The following KCND2 variants were observed in gnomAD, a reference collection of about 807,000 sequenced individuals.
The protein encoded by KCND2 is potassium voltage-gated channel subfamily D member 2.
A neutral mutation model predicts 54.4 loss-of-function variants in KCND2; 16 were observed. That is an observed-to-expected ratio of 0.29 (90% CI 0.20 to 0.45). The LOEUF is 0.45. Ranked by LOEUF, KCND2 falls within the 20% of genes least tolerant of loss-of-function variation. KCND2 has a pLI of 1.00. For missense variants in KCND2, 486 were observed against 824.2 expected (o/e 0.59, Z 5.02); for synonymous variants, 317 against 310.7 (o/e 1.02, Z -0.21).
chr7:120,628,728 C>T (rs1008683091), intron 1 of KCND2, among the ~76,000 whole-genome samples: 15 of 152,180 alleles, frequency 9.9e-5, no homozygotes, highest in Non-Finnish European at 2.2e-4. Context: ...GGATCCTATT[C>T]CTTAAGCCCA....
intron 1 of KCND2, among the ~76,000 whole-genome samples, chr7:120,468,406 A>G (rs1041224566): frequency 2.0e-5 from 3 of 152,088 alleles, no homozygotes; most frequent in South Asian, 2.1e-4. Flanking sequence ...TCTTCTGAAC[A>G]TCATCATAAA....
intron 1 of KCND2, among the ~76,000 whole-genome samples, chr7:120,689,925 G>A (rs1792249265): frequency 6.6e-6 from 1 of 152,180 alleles, no homozygotes; most frequent in South Asian, 2.1e-4. Flanking sequence ...AACACTTACA[G>A]AGTATTTGCT....
chr7:120,370,827 G>C (rs889757485), intron 1 of KCND2, among the ~76,000 whole-genome samples: 1 of 151,948 alleles, frequency 6.6e-6, no homozygotes, highest in Non-Finnish European at 1.5e-5. Flanking sequence ...CTCCAAACAG[G>C]GAAAGGTAAC....
At chr7:120,535,675 A>T (rs1461290949) in intron 1 of KCND2, among the ~76,000 whole-genome samples, 4 of 152,180 alleles carry the variant, frequency 2.6e-5, no homozygotes, top group Admixed American at 6.6e-5. Context: ...TAACAAGACT[A>T]TTTGAATTTC....
chr7:120,503,907 C>T (rs183457323), intron 1 of KCND2, among the ~76,000 whole-genome samples: 8 of 151,974 alleles, frequency 5.3e-5, no homozygotes, highest in African/African-American at 1.4e-4. Context: ...TTAGCTTCAC[C>T]GCAAATCCGC....
intron 1 of KCND2, among the ~76,000 whole-genome samples, chr7:120,451,657 GTC>G (rs1802111047): frequency 6.6e-6 from 1 of 152,116 alleles, no homozygotes; most frequent in Non-Finnish European, 1.5e-5. Flanking sequence ...AAAAACACAT[GTC>G]TCACATGATC....
chr7:120,710,618 A>G (rs930053479), intron 1 of KCND2, among the ~76,000 whole-genome samples: 5 of 152,172 alleles, frequency 3.3e-5, no homozygotes, highest in African/African-American at 7.2e-5. Flanking sequence ...CAATTATACT[A>G]AAGTTTATCT....
At chr7:120,479,283 G>T (rs1802570161) in intron 1 of KCND2, among the ~76,000 whole-genome samples, 1 of 151,918 alleles carries the variant, frequency 6.6e-6, no homozygotes, top group Non-Finnish European at 1.5e-5. Flanking sequence ...ATAAATTCCT[G>T]AGTTTTTAAA....
intron 1 of KCND2, among the ~76,000 whole-genome samples, chr7:120,691,829 G>A (rs1275023460): frequency 2.0e-5 from 3 of 152,176 alleles, no homozygotes; most frequent in Admixed American, 1.3e-4. Flanking sequence ...GTGCAAAGAA[G>A]TTGAGGCAAC....
chr7:120,468,210 G>C (rs1802406792), intron 1 of KCND2, among the ~76,000 whole-genome samples: 2 of 152,024 alleles, frequency 1.3e-5, no homozygotes, highest in South Asian at 4.2e-4. Context: ...TTTTCTCTTT[G>C]TTTTCCCGTT....
chr7:120,588,442 T>TGTGTGTGTGTGTGTGTG (rs1792628393), intron 1 of KCND2, among the ~76,000 whole-genome samples: 1 of 151,076 alleles, frequency 6.6e-6, no homozygotes, highest in African/African-American at 2.4e-5. Flanking sequence ...TGTGTGTGTG[T>TGTGTGTGTGTGTGTGTG]TTCCTTGAGT....
intron 1 of KCND2, among the ~76,000 whole-genome samples, chr7:120,533,686 C>T (rs1401832419): frequency 6.6e-6 from 1 of 152,062 alleles, no homozygotes; most frequent in East Asian, 1.9e-4. Context: ...ATTGGATCAA[C>T]CTTGCCTCTT....
At chr7:120,678,434 C>T (rs1350786748) in intron 1 of KCND2, among the ~76,000 whole-genome samples, 1 of 142,586 alleles carries the variant, frequency 7.0e-6, no homozygotes, top group African/African-American at 2.5e-5. Context: ...CATATATATA[C>T]ACATTCATAT....
intron 1 of KCND2, among the ~76,000 whole-genome samples, chr7:120,346,086 A>C (rs1416129082): frequency 2.6e-5 from 4 of 152,158 alleles, no homozygotes; most frequent in Non-Finnish European, 4.4e-5. Context: ...CATTTTCCTA[A>C]TAATTAGTGA....
intron 3 of KCND2, among the ~76,000 whole-genome samples, chr7:120,742,165 G>T (rs1033067387): frequency 1.3e-5 from 2 of 151,854 alleles, no homozygotes; most frequent in Admixed American, 6.6e-5. Flanking sequence ...TTTTATTTAC[G>T]TGCACATGAT....
intron 1 of KCND2, among the ~76,000 whole-genome samples, chr7:120,278,772 GAACGCT>G (rs1186274847): frequency 6.6e-6 from 1 of 151,462 alleles, no homozygotes; most frequent in Non-Finnish European, 1.5e-5. Context: ...TCAGAAAAAT[GAACGCT>G]TTAAAAATAG....
intron 1 of KCND2, among the ~76,000 whole-genome samples, chr7:120,484,989 T>A (rs1032382305): frequency 6.6e-6 from 1 of 152,120 alleles, no homozygotes; most frequent in Non-Finnish European, 1.5e-5. Context: ...TGGACTCAAG[T>A]GATCCTCCTG....
chr7:120,561,749 T>C (rs1382366293), intron 1 of KCND2, among the ~76,000 whole-genome samples: 2 of 151,892 alleles, frequency 1.3e-5, no homozygotes, highest in Non-Finnish European at 2.9e-5. Context: ...GTAGCTAGGA[T>C]TACAGGCATG....
chr7:120,590,326 A>G (rs1008421195), intron 1 of KCND2, among the ~76,000 whole-genome samples: 5 of 152,044 alleles, frequency 3.3e-5, no homozygotes, highest in Non-Finnish European at 7.4e-5. Context: ...TAGGGCTCTT[A>G]ATTTCACCTA....
Sources: allele counts gnomAD v4.1 joint callset (sites outside exome capture counted in the v4.1 genomes callset), GRCh38; gene constraint gnomAD v4.1.1; transcripts MANE v1.5; gene names NCBI Gene and HGNC (gene_info 2026-07-23, HGNC 2026-07-21).